FANK1: variants seen among roughly 807,000 people sequenced by gnomAD.
The protein encoded by FANK1 is fibronectin type 3 and ankyrin repeat domains protein 1.
FANK1 carries 44 observed loss-of-function variants against 45.3 expected under a neutral mutation model. The observed-to-expected ratio is 0.97, with a 90% CI of 0.76 to 1.25. FANK1 has a LOEUF of 1.25. Among genes scored for constraint, FANK1 ranks in the 50% most tolerant of loss-of-function variants. The pLI is 0.00. For synonymous variants in FANK1, 149 were observed against 152.5 expected, an observed-to-expected ratio of 0.98 and a Z score of 0.17; for missense variants, 391 against 424.4, an observed-to-expected ratio of 0.92 and a Z score of 0.69.
chr10:125,988,858 T>C (rs1403645604), intron 3 of FANK1, 183 bp downstream of exon 3: 2 of 929,182 alleles, frequency 2.2e-6, no homozygotes, highest in South Asian at 3.0e-5. Flanking sequence ...GGAAGTCTAA[T>C]TATGCTTTCA....
intron 1 of FANK1, among the ~76,000 whole-genome samples, chr10:125,918,600 A>AGT (rs1946680932): frequency 7.5e-6 from 1 of 134,058 alleles, no homozygotes; most frequent in East Asian, 2.1e-4. Flanking sequence ...ATATATATAT[A>AGT]TATATATAGT....
intron 5 of FANK1, 23 bp downstream of exon 5, chr10:125,996,647 A>T (rs772649184): frequency 1.9e-6 from 3 of 1,609,522 alleles, no homozygotes; most frequent in African/African-American, 2.7e-5. Flanking sequence ...TTTTTTTTAA[A>T]TCTCTCTTGG....
chr10:125,971,880 C>T (rs922039790), intron 1 of FANK1, among the ~76,000 whole-genome samples: 4 of 152,042 alleles, frequency 2.6e-5, no homozygotes, highest in East Asian at 1.9e-4. Context: ...CCTTGGCCTC[C>T]GAAAGTAAAG....
intron 1 of FANK1, among the ~76,000 whole-genome samples, chr10:125,907,925 GA>G (rs1945671258): frequency 6.6e-6 from 1 of 151,806 alleles, no homozygotes; most frequent in African/African-American, 2.4e-5. Context: ...CCTATGCAGT[GA>G]ACCCAGTTGA....
rs773914222 is a variant in FANK1, at chr10:126,009,122, A to G, written c.918A>G (p.Val306=). 40 of 1,614,084 alleles carry G rather than the reference A, an allele frequency of 2.5e-5. No homozygotes were observed. The highest frequency in any genetic ancestry group is 3.1e-5 in the Non-Finnish European group (37 of 1,180,026). Residue 306 remains valine (V), a synonymous_variant, in exon 9 of 11, where the codon GTA becomes GTG. Transcript: ENST00000368693. The part of the protein sequence containing the change: ...LLLDKGADAS[V]KNEFGKGVLE... ...TTGACAAAGGGGCAGATGCAAGTGT[A>G]AAAAATGAGGTAAATGAGTCCATCT...
intron 6 of FANK1, among the ~76,000 whole-genome samples, chr10:126,003,837 A>T (rs181973493): frequency 1.3e-5 from 2 of 151,982 alleles, no homozygotes; most frequent in African/African-American, 2.4e-5. Flanking sequence ...CACCACTCCC[A>T]GCTAATTTTT....
At chr10:125,947,135 A>G (rs1481162533) in intron 1 of FANK1, among the ~76,000 whole-genome samples, 4 of 151,496 alleles carry the variant, frequency 2.6e-5, no homozygotes, top group African/African-American at 9.7e-5. Flanking sequence ...GAAAGGAACA[A>G]CCGGTACCAG....
chr10:125,980,467 C>T lies in FANK1; in HGVS notation c.191+129C>T, dbSNP rs1590149613. 21 of 1,093,878 alleles carry T rather than the reference C, an allele frequency of 1.9e-5. No homozygotes were observed. The East Asian group carries it at 4.6e-4, about 24-fold the overall frequency. The allele number at this position is 1,093,878 out of a possible 1,614,324, so 67.8% of individuals were successfully genotyped here. A position where few individuals can be genotyped will look rare whatever the true frequency, so the allele number is the denominator to read the frequency against. ...TGAGTCAGCATCATTTGTATTCATG[C>T]TCTTTTATGAATTACAATTTTTGGA... On this transcript the variant is annotated intron_variant, in intron 2 of 10. Coordinates refer to ENST00000368693, the MANE Select transcript of FANK1 (RefSeq NM_145235.5).
At chr10:125,978,625 G>A (rs1950998632) in intron 1 of FANK1, among the ~76,000 whole-genome samples, 2 of 152,152 alleles carry the variant, frequency 1.3e-5, no homozygotes, top group African/African-American at 2.4e-5. Flanking sequence ...CAGCTATGCT[G>A]TACTGGGGGA....
intron 1 of FANK1, among the ~76,000 whole-genome samples, chr10:125,959,966 C>G (rs1949817158): frequency 6.6e-6 from 1 of 152,098 alleles, no homozygotes; most frequent in African/African-American, 2.4e-5. Flanking sequence ...AACAAACAAA[C>G]AAAAAACCCA....
At chr10:125,915,265 A>G (rs1277818099) in intron 1 of FANK1, among the ~76,000 whole-genome samples, 9 of 120,086 alleles carry the variant, frequency 7.5e-5, no homozygotes. Flanking sequence ...TCATTCATAT[A>G]GATATAAATG....
At chr10:125,897,078 G>A (rs79778101) in intron 1 of FANK1, among the ~76,000 whole-genome samples, 2,935 of 130,520 alleles carry the variant, frequency 0.022, no homozygotes, top group Middle Eastern at 0.032. Context: ...CACGTCCGAG[G>A]CTGGGTCTTG....
intron 1 of FANK1, among the ~76,000 whole-genome samples, chr10:125,901,926 G>A (rs890336769): frequency 1.6e-4 from 25 of 152,366 alleles, no homozygotes; most frequent in Non-Finnish European, 3.2e-4. Flanking sequence ...TTTGAGACCA[G>A]TCTGGCCAAC....
chr10:125,964,173 T>C (rs923999435), intron 1 of FANK1, among the ~76,000 whole-genome samples: 16 of 149,672 alleles, frequency 1.1e-4, no homozygotes, highest in African/African-American at 3.9e-4. Flanking sequence ...GTAGATTATA[T>C]CATTCTCTCT....
intron 1 of FANK1, among the ~76,000 whole-genome samples, chr10:125,950,990 A>G (rs567808663): frequency 1.3e-5 from 2 of 149,628 alleles, no homozygotes; most frequent in African/African-American, 4.9e-5. Context: ...AACTATCGCA[A>G]GAACAAAAAA....
intron 1 of FANK1, among the ~76,000 whole-genome samples, chr10:125,953,535 A>T (rs1037936786): frequency 7.2e-5 from 11 of 152,142 alleles, no homozygotes; most frequent in African/African-American, 2.7e-4. Context: ...ATGAGTTCCT[A>T]TGCGGGGGAA....
At position 125,898,020 on chromosome 10, in the gene FANK1, A is replaced by AAAG. The variant is rs762700320; in HGVS notation, c.13+1367_13+1368insGAA. On this transcript the variant is annotated intron_variant, in intron 1 of 10. Transcript: ENST00000368693. ...ATACAAAAAAAAAAAAAAAAAAAAA[A>AAAG]AAAAAAAAAAAAAAGCCAGGTGTGG... is the stretch of plus-strand genomic sequence containing the variant. Among the ~76,000 whole-genome samples, 612 of 79,770 alleles carry AAAG rather than the reference A, an allele frequency of 7.7e-3. 54 individuals are homozygous for AAAG. The highest frequency in any genetic ancestry group is 0.022 in the African/African-American group (533 of 24,218). 52.3% of individuals were successfully genotyped at this position (79,770 alleles called of 152,430 possible).
rs1564981163 is a variant in FANK1 at position 126,009,277 on chromosome 10, T to C, written c.972+11T>C. 1.9e-6 allele frequency: 3 copies of C among 1,614,214 alleles called. No homozygotes were observed. Among genetic ancestry groups the C allele is most frequent in the Non-Finnish European group, 2.5e-6 (3 of 1,180,046 alleles). ...GTTTTTGACAGACAGGTTGGGATGC[T>C]CTTTCTGCCTATCAAGGCTAATTTT... On this transcript the variant is annotated intron_variant, in intron 10 of 10. Coordinates refer to ENST00000368693, the MANE Select transcript of FANK1 (RefSeq NM_145235.5).
intron 1 of FANK1, among the ~76,000 whole-genome samples, chr10:125,969,427 TA>T (rs1242455972): frequency 6.6e-6 from 1 of 152,074 alleles, no homozygotes; most frequent in Non-Finnish European, 1.5e-5. Flanking sequence ...AACTTTTGTA[TA>T]AAAAGTAGCA....
Sources: allele counts gnomAD v4.1 joint callset (sites outside exome capture counted in the v4.1 genomes callset), GRCh38; gene constraint gnomAD v4.1.1; transcripts MANE v1.5; gene names NCBI Gene and HGNC (gene_info 2026-07-23, HGNC 2026-07-21).